The following PTPRM variants were observed in gnomAD, a reference collection of about 807,000 sequenced individuals.
PTPRM encodes receptor-type tyrosine-protein phosphatase mu.
A neutral mutation model predicts 186.7 loss-of-function variants in PTPRM; 47 were observed. That is an observed-to-expected ratio of 0.25 (90% CI 0.20 to 0.32). The LOEUF is 0.32. Among genes scored for constraint, PTPRM ranks in the 10% least tolerant of loss-of-function variants. PTPRM has a pLI of 1.00. For missense variants in PTPRM, 1,494 were observed against 1,865.0 expected (o/e 0.80, Z 3.66); for synonymous variants, 668 against 674.9 (o/e 0.99, Z 0.16).
At chr18:7,940,653 G>A (rs1767336420) in intron 5 of PTPRM, among the ~76,000 whole-genome samples, 1 of 151,994 alleles carries the variant, frequency 6.6e-6, no homozygotes, top group Non-Finnish European at 1.5e-5. Flanking sequence ...GACTGGGAGT[G>A]CCTGAGGATG....
At chr18:7,687,631 A>C (rs1336304512) in intron 1 of PTPRM, among the ~76,000 whole-genome samples, 2 of 152,174 alleles carry the variant, frequency 1.3e-5, no homozygotes, top group South Asian at 2.1e-4. Flanking sequence ...TTGGCAGCAG[A>C]AGATGTTTAT....
Position 8,406,327 on chromosome 18 carries a change from C to A in PTPRM, c.*165C>A. On this transcript the variant is annotated 3_prime_UTR_variant, in exon 33 of 33. Transcript: ENST00000580170. ...GTGTTTCTAAAATTGCTTGCACTGCCCAATCCCAGTAATGCTGCTGCCTGA... is the reference window on the plus strand; with the variant it reads ...GTGTTTCTAAAATTGCTTGCACTGCACAATCCCAGTAATGCTGCTGCCTGA... 1.6e-6 allele frequency: 1 copy of A among 633,352 alleles called. No homozygotes were observed. The allele number at this position is 633,352 out of a possible 1,614,324, so 39.2% of individuals were successfully genotyped here.
In PTPRM at chr18:7,820,605, A is replaced by AC. The variant is rs149786491; in HGVS notation, c.196+46339dup. Among the ~76,000 whole-genome samples, 727 of 152,122 alleles carry AC rather than the reference A, an allele frequency of 4.8e-3. 30 individuals carry two copies. The East Asian group carries it at 0.095, about 20-fold the overall frequency. On this transcript the variant is annotated intron_variant, in intron 2 of 32. Coordinates refer to ENST00000580170, the MANE Select transcript of PTPRM (RefSeq NM_001105244.2). ...TGCTGGAAACTGGCCCCTTCGAGGCACCCCCAGTCAGAGTGTGTTCCCTGA... is the reference window on the plus strand; with the variant it reads ...TGCTGGAAACTGGCCCCTTCGAGGCACCCCCCAGTCAGAGTGTGTTCCCTGA...
intron 1 of PTPRM, among the ~76,000 whole-genome samples, chr18:7,701,608 T>C (rs1250803514): frequency 6.6e-6 from 1 of 151,888 alleles, no homozygotes; most frequent in Non-Finnish European, 1.5e-5. Flanking sequence ...AAAAAATATA[T>C]ATATAATAAT....
At chr18:8,311,274 A>C (rs1405022551) in intron 20 of PTPRM, among the ~76,000 whole-genome samples, 1 of 152,008 alleles carries the variant, frequency 6.6e-6, no homozygotes, top group East Asian at 1.9e-4. Context: ...GCGCCATTGC[A>C]CTTTAGCCTG....
At chr18:8,363,579 G>A (rs2095609890) in intron 23 of PTPRM, among the ~76,000 whole-genome samples, 1 of 152,200 alleles carries the variant, frequency 6.6e-6, no homozygotes, top group Admixed American at 6.5e-5. Flanking sequence ...AGAGTAGTAT[G>A]TGACACTCTC....
chr18:7,653,156 T>C (rs181870049), intron 1 of PTPRM, among the ~76,000 whole-genome samples: 265 of 149,866 alleles, frequency 1.8e-3, no homozygotes, highest in African/African-American at 6.2e-3. Context: ...TTATTATCAT[T>C]ATTGTTTTAA....
rs547240140 is a variant in PTPRM, at chr18:7,668,046, G to C, written c.73+100155G>C. Among the ~76,000 whole-genome samples, 1 of 152,274 alleles carries C rather than the reference G, an allele frequency of 6.6e-6. No individual in the cohort carries two copies. The highest frequency in any genetic ancestry group is 1.9e-4 in the East Asian group (1 of 5,182). ...GAGTAAATGTGGAATCAGGTTGGAA[G>C]TCCCAGGGTTCATAGTGTCCCCCGT... On this transcript the variant is annotated intron_variant, in intron 1 of 32. Coordinates refer to ENST00000580170, the MANE Select transcript of PTPRM (RefSeq NM_001105244.2). The surrounding 1 kb of genome is among the most constrained non-coding windows in gnomAD (Gnocchi z 4.7).
At chr18:7,720,132 A>G (rs1332107166) in intron 1 of PTPRM, among the ~76,000 whole-genome samples, 1 of 152,228 alleles carries the variant, frequency 6.6e-6, no homozygotes, top group Non-Finnish European at 1.5e-5. Context: ...ACAACTCATT[A>G]TCATAAAAAT....
chr18:7,602,463 T>C, intron 1 of PTPRM, among the ~76,000 whole-genome samples: 1 of 151,832 alleles, frequency 6.6e-6, no homozygotes, highest in Non-Finnish European at 1.5e-5. Context: ...GGTCTTGCTC[T>C]GTAGCCCATG....
intron 2 of PTPRM, among the ~76,000 whole-genome samples, chr18:7,832,280 C>T (rs569939059): frequency 2.0e-4 from 31 of 152,284 alleles, no homozygotes; most frequent in African/African-American, 7.5e-4. Flanking sequence ...ATATCCTTGC[C>T]AGCATTTGTT....
At position 8,336,654 on chromosome 18, in the gene PTPRM, A is replaced by G. The variant is rs188781577; in HGVS notation, c.2957-6769A>G. On this transcript the variant is annotated intron_variant, in intron 22 of 32. Transcript: ENST00000580170. ...GAGGAGGAGGAGGAAAAAGAAGGAG[A>G]AGAAGGAGGAGGAGGAGGAGAGAAG... Among the ~76,000 whole-genome samples, 18 of 135,562 alleles carry G rather than the reference A, an allele frequency of 1.3e-4. 1 individual carries two copies. In the East Asian group the frequency reaches 3.7e-3, roughly 28 times the overall value. The allele number at this position is 135,562 out of a possible 152,430, so 88.9% of individuals were successfully genotyped here.
At chr18:7,735,962 C>A (rs1400939156) in intron 1 of PTPRM, among the ~76,000 whole-genome samples, 1 of 152,100 alleles carries the variant, frequency 6.6e-6, no homozygotes, top group African/African-American at 2.4e-5. Context: ...CCCCCCACCC[C>A]ACCCTGGCCA....
chr18:7,733,237 G>A lies in PTPRM; in HGVS notation c.74-40912G>A, dbSNP rs567121478. Among the ~76,000 whole-genome samples, 10 of 151,764 alleles carry A rather than the reference G, an allele frequency of 6.6e-5. No homozygotes were observed. The East Asian group carries it at 2.0e-3, about 30-fold the overall frequency. On this transcript the variant is annotated intron_variant, in intron 1 of 32. Transcript: ENST00000580170. The stretch of plus-strand genomic sequence containing the variant: ...TTGTCCTAATGCTCCCTTTTCCCTT[G>A]CCCCCCACCCTCCAACAGGCCCTGG...
At chr18:7,654,808 T>C (rs1483069999) in intron 1 of PTPRM, among the ~76,000 whole-genome samples, 1 of 152,216 alleles carries the variant, frequency 6.6e-6, no homozygotes. Flanking sequence ...CATTGGTATA[T>C]GTGTCTGGTT....
At chr18:7,797,060 G>C (rs893125213) in intron 2 of PTPRM, among the ~76,000 whole-genome samples, 3 of 152,294 alleles carry the variant, frequency 2.0e-5, no homozygotes, top group Non-Finnish European at 2.9e-5. Context: ...GACAGACTCA[G>C]CTCCACTCAT....
chr18:7,889,002 G>T (rs1036512657), intron 3 of PTPRM, among the ~76,000 whole-genome samples: 4 of 152,100 alleles, frequency 2.6e-5, no homozygotes, highest in Admixed American at 2.0e-4. Flanking sequence ...ACTAACTTTT[G>T]GGTGCTGTGC....
At chr18:8,172,159 C>CA (rs1175227877) in intron 14 of PTPRM, among the ~76,000 whole-genome samples, 1 of 151,968 alleles carries the variant, frequency 6.6e-6, no homozygotes, top group Non-Finnish European at 1.5e-5. Flanking sequence ...TTAATGGACT[C>CA]ACAGTTCTAC....
At chr18:8,353,003 G>A (rs1020341770) in intron 23 of PTPRM, among the ~76,000 whole-genome samples, 14 of 152,252 alleles carry the variant, frequency 9.2e-5, no homozygotes, top group Non-Finnish European at 1.3e-4. Flanking sequence ...TAGAAAATGT[G>A]TATATACCAC....
Sources: allele counts gnomAD v4.1 joint callset (sites outside exome capture counted in the v4.1 genomes callset), GRCh38; gene constraint gnomAD v4.1.1; non-coding constraint Gnocchi (gnomAD v3.1); transcripts MANE v1.5; gene names NCBI Gene and HGNC (gene_info 2026-07-23, HGNC 2026-07-21).